The following SNRPG variants were observed in gnomAD, a reference collection of about 807,000 sequenced individuals.
The protein encoded by SNRPG is small nuclear ribonucleoprotein G.
Under a neutral mutation model 13.9 loss-of-function variants are expected in SNRPG, and 3 were observed. The observed-to-expected ratio is 0.22, with a 90% CI of 0.10 to 0.56. SNRPG has a LOEUF of 0.56. Among genes scored for constraint, SNRPG ranks in the 20% least tolerant of loss-of-function variants. The pLI, the probability that SNRPG is intolerant of heterozygous loss-of-function variation, is 0.93. For missense variants in SNRPG, 34 were observed against 96.1 expected (o/e 0.35, Z 2.70); for synonymous variants, 29 against 29.3 (o/e 0.99, Z 0.03).
intron 1 of SNRPG, among the ~76,000 whole-genome samples, chr2:70,291,002 ACTCCAT>A (rs1697076110): frequency 7.4e-6 from 1 of 135,952 alleles, no homozygotes; most frequent in African/African-American, 2.8e-5. Context: ...TAAGAGTGAA[ACTCCAT>A]CTCAAAACAC....
intron 3 of SNRPG, among the ~76,000 whole-genome samples, chr2:70,286,825 T>C (rs1573993578): frequency 6.6e-6 from 1 of 152,314 alleles, no homozygotes; most frequent in East Asian, 1.9e-4. Context: ...TTCAGCAAAT[T>C]TTTTGCAAGG....
chr2:70,291,979 G>A (rs1697110469), intron 1 of SNRPG, among the ~76,000 whole-genome samples: 1 of 137,864 alleles, frequency 7.3e-6, no homozygotes, highest in Non-Finnish European at 1.5e-5. Flanking sequence ...ACGGAGTCTC[G>A]CTCTGTTGCC....
chr2:70,283,095 T>C (rs1168998752), intron 3 of SNRPG, among the ~76,000 whole-genome samples: 2 of 4,386 alleles, frequency 4.6e-4, no homozygotes, highest in Non-Finnish European at 7.7e-4. Context: ...CTGTCTTTTG[T>C]CAAAAAAAAA....
At chr2:70,291,777 G>A (rs185498877) in intron 1 of SNRPG, among the ~76,000 whole-genome samples, 5 of 151,514 alleles carry the variant, frequency 3.3e-5, no homozygotes, top group Admixed American at 2.6e-4. Flanking sequence ...CAAAAACTAT[G>A]TTATGAATCA....
chr2:70,281,549 A>G lies in SNRPG; in HGVS notation c.*85T>C. The G allele has an allele frequency of 1.4e-6, 1 of 705,498 alleles. No homozygotes were observed. The highest frequency in any genetic ancestry group is 2.4e-6 in the Non-Finnish European group (1 of 425,484). 43.7% of individuals were successfully genotyped at this position (705,498 alleles called of 1,614,324 possible). ...TTATTTAACAAAAAGTCTAATATGA[A>G]AATGTACATGACCTAATTTTTACAT... On this transcript the variant is annotated 3_prime_UTR_variant, in exon 4 of 4. Coordinates refer to ENST00000272348, the MANE Select transcript of SNRPG (RefSeq NM_003096.4).
chr2:70,289,414 A>T (rs1318522609), intron 1 of SNRPG, 42 bp from the exon 2 acceptor site: 14 of 1,114,828 alleles, frequency 1.3e-5, no homozygotes, highest in Non-Finnish European at 1.8e-5. Flanking sequence ...CCAATTAAAA[A>T]AATTTAAGCA....
rs760913250 is a variant in SNRPG, at chr2:70,293,666, G to A, written c.-17C>T. The A allele has an allele frequency of 5.0e-6, 8 of 1,613,426 alleles. No homozygotes were observed. Among genetic ancestry groups the A allele is most frequent in the African/African-American group, 1.3e-5 (1 of 74,912 alleles). ...TTTGCTCATGGTGTATACTCCGCGG[G>A]CTCACAGATGCCTTGGAACGCAACG... is the stretch of plus-strand genomic sequence containing the variant. On this transcript the variant is annotated 5_prime_UTR_variant, in exon 1 of 4. Coordinates refer to ENST00000272348, the MANE Select transcript of SNRPG (RefSeq NM_003096.4).
At chr2:70,288,244 G>C in intron 2 of SNRPG, 52 bp from the exon 3 acceptor site, 2 of 1,509,806 alleles carry the variant, frequency 1.3e-6, no homozygotes, top group Non-Finnish European at 1.8e-6. Context: ...TAGCTACCAA[G>C]CATTCACTAA....
Position 70,289,359 on chromosome 2 carries a change from T to C in SNRPG, c.46A>G (p.Lys16Glu). 6.9e-7 allele frequency: 1 copy of C among 1,446,256 alleles called. No homozygotes were observed. Among genetic ancestry groups the C allele is most frequent in the Non-Finnish European group, 9.6e-7 (1 of 1,046,650 alleles). 89.6% of individuals were successfully genotyped at this position (1,446,256 alleles called of 1,614,324 possible). A position where few individuals can be genotyped will look rare whatever the true frequency, so the allele number is the denominator to read the frequency against. ...PPELKKFMDK[K>E]LSLKLNGGRH... ...ACAACAACAAACTTACATGATAACT[T>C]CTTGTCCATAAATCTGAAAAAGGAA... is the stretch of plus-strand genomic sequence containing the variant. The change falls in exon 2 of 4, where the codon AAG becomes GAG. Residue 16 changes from lysine (K) to glutamate (E), a missense_variant. Coordinates refer to ENST00000272348, the MANE Select transcript of SNRPG (RefSeq NM_003096.4).
intron 2 of SNRPG, 28 bp downstream of exon 2, chr2:70,289,322 A>G (rs1238048926): frequency 7.4e-7 from 1 of 1,348,822 alleles, no homozygotes; most frequent in Non-Finnish European, 1.0e-6. Flanking sequence ...AATAATTAAA[A>G]AAAACCCCAA....
In SNRPG at chr2:70,290,295, ATAAG is replaced by A. The variant is rs1697050543; in HGVS notation, c.33-927_33-924del. Among the ~76,000 whole-genome samples, 3 of 152,198 alleles carry A rather than the reference ATAAG, an allele frequency of 2.0e-5. No homozygotes were observed. In the South Asian group the frequency reaches 6.2e-4, roughly 31 times the overall value. ...ATTCAATAGGTATTTTATATTTGAA[ATAAG>A]TAGTGTTCTTTTATTTAATATTAAA... is the stretch of plus-strand genomic sequence containing the variant. On this transcript the variant is annotated intron_variant, in intron 1 of 3. Transcript: ENST00000272348.
At chr2:70,291,259 G>C (rs1276951341) in intron 1 of SNRPG, 1 of 152,192 alleles carries the variant, frequency 6.6e-6, no homozygotes, top group Non-Finnish European at 1.5e-5. Context: ...AAATAGTTCA[G>C]TGTGACTGGA....
At position 70,281,451 on chromosome 2, in the gene SNRPG, G is replaced by A. The variant is rs1131031; in HGVS notation, c.*183C>T. The stretch of plus-strand genomic sequence containing the variant: ...ATGTCAACCAGGAAAATTCATGTTA[G>A]AAAAAACTGGAATGAGAGCTGATAT... On this transcript the variant is annotated 3_prime_UTR_variant, in exon 4 of 4. Transcript: ENST00000272348. 4 of 414,916 alleles carry A rather than the reference G, an allele frequency of 9.6e-6. No homozygotes were observed. In the Admixed American group the frequency reaches 1.8e-4, roughly 18 times the overall value. The allele number at this position is 414,916 out of a possible 1,614,324, so 25.7% of individuals were successfully genotyped here. A position where few individuals can be genotyped will look rare whatever the true frequency, so the allele number is the denominator to read the frequency against.
intron 3 of SNRPG, among the ~76,000 whole-genome samples, chr2:70,285,944 AAAAC>A (rs1415879201): frequency 6.6e-6 from 1 of 152,206 alleles, no homozygotes; most frequent in East Asian, 1.9e-4. Flanking sequence ...CTCACTCCTG[AAAAC>A]AAACACATCC....
At chr2:70,282,026 CCT>C (rs1696800838) in intron 3 of SNRPG, among the ~76,000 whole-genome samples, 1 of 151,862 alleles carries the variant, frequency 6.6e-6, no homozygotes, top group Non-Finnish European at 1.5e-5. Context: ...TTCAAGCAAT[CCT>C]GCTTCAGCCT....
rs965064512 is a variant in SNRPG, at chr2:70,293,708, C to G, written c.-59G>C. On this transcript the variant is annotated 5_prime_UTR_variant, in exon 1 of 4. Coordinates refer to ENST00000272348, the MANE Select transcript of SNRPG (RefSeq NM_003096.4). ...AACGCAACGCACGGCTTTCCTCACG[C>G]TCCCGCTGTAGGCCCGGCGTCTTGC... The G allele has an allele frequency of 1.3e-6, 2 of 1,550,218 alleles. No individual in the cohort carries two copies. Among genetic ancestry groups the G allele is most frequent in the African/African-American group, 2.7e-5 (2 of 73,636 alleles).
intron 1 of SNRPG, among the ~76,000 whole-genome samples, chr2:70,292,377 C>A (rs193287224): frequency 2.6e-4 from 39 of 150,910 alleles, no homozygotes; most frequent in African/African-American, 9.5e-4. Flanking sequence ...AACAGAGTTT[C>A]GGTCTTGTTA....
Position 70,287,533 on chromosome 2 carries a change from G to A in SNRPG, c.180+535C>T, listed in dbSNP as rs116483488. Among the ~76,000 whole-genome samples, 440 of 152,266 alleles carry A rather than the reference G, an allele frequency of 2.9e-3. 2 individuals carry two copies. The highest frequency in any genetic ancestry group is 6.8e-3 in the Middle Eastern group (2 of 294). Reference sequence around the variant, plus strand: ...CTCTCATGTGAATAACTGTCATTGTGATTATCCCTTGTAACTTTTACCTTG... The same window carrying A: ...CTCTCATGTGAATAACTGTCATTGTAATTATCCCTTGTAACTTTTACCTTG... On this transcript the variant is annotated intron_variant, in intron 3 of 3. Transcript: ENST00000272348.
At chr2:70,282,278 C>T (rs1465674109) in intron 3 of SNRPG, among the ~76,000 whole-genome samples, 1 of 152,000 alleles carries the variant, frequency 6.6e-6, no homozygotes, top group Non-Finnish European at 1.5e-5. Flanking sequence ...TCTATGGGAT[C>T]CAAAAATTAA....
Sources: gnomAD v4.1 joint callset for allele counts (sites outside exome capture counted in the v4.1 genomes callset) on GRCh38, gnomAD v4.1.1 for gene constraint, MANE v1.5 for transcripts, NCBI Gene and HGNC (gene_info 2026-07-23, HGNC 2026-07-21) for gene names.